Variants in ROBO2 observed in about 807,000 individuals in gnomAD.
ROBO2 encodes the protein roundabout homolog 2.
Under a neutral mutation model 160.8 loss-of-function variants are expected in ROBO2, and 53 were observed. The observed-to-expected ratio is 0.33, with a 90% CI of 0.26 to 0.41. The LOEUF (loss-of-function observed/expected upper bound fraction) is 0.41. Ranked by LOEUF, ROBO2 falls within the 10% of genes least tolerant of loss-of-function variation. The pLI, the probability that ROBO2 is intolerant of heterozygous loss-of-function variation, is 1.00. For synonymous variants in ROBO2, 664 were observed against 611.7 expected, an observed-to-expected ratio of 1.09 and a Z score of -1.26; for missense variants, 1,577 against 1,722.4, an observed-to-expected ratio of 0.92 and a Z score of 1.49.
At chr3:77,582,144 T>C (rs1296863341) in intron 16 of ROBO2, among the ~76,000 whole-genome samples, 3 of 152,186 alleles carry the variant, frequency 2.0e-5, no homozygotes, top group Admixed American at 6.5e-5. Flanking sequence ...TGCAGTTCTA[T>C]TAAATTGCAT....
At chr3:76,396,399 T>C (rs2077450215) in intron 2 of ROBO2, among the ~76,000 whole-genome samples, 1 of 152,140 alleles carries the variant, frequency 6.6e-6, no homozygotes, top group Non-Finnish European at 1.5e-5. Flanking sequence ...AGCATTCCCT[T>C]TGAAAACTGG....
Position 77,636,462 on chromosome 3 carries a change from C to G in ROBO2, c.3934+1419C>G, listed in dbSNP as rs539891083. Among the ~76,000 whole-genome samples the G allele has an allele frequency of 1.2e-4, 19 of 152,008 alleles. No individual in the cohort carries two copies. In the South Asian group the frequency reaches 3.3e-3, roughly 27 times the overall value. On this transcript the variant is annotated intron_variant, in intron 24 of 25. Transcript: ENST00000461745. Reference sequence around the variant, plus strand: ...CAAAAATTAGCTGGGCGTGGTTGCACGTGCCTGTAATCCCAGCTACTGAGG... The same window carrying G: ...CAAAAATTAGCTGGGCGTGGTTGCAGGTGCCTGTAATCCCAGCTACTGAGG...
exon 20 of ROBO2, chr3:77,602,302 A>G (rs374423180): frequency 1.9e-6 from 3 of 1,613,924 alleles, no homozygotes; most frequent in Non-Finnish European, 2.5e-6. Flanking sequence ...CACTACCAAA[A>G]CCAGTTACAA....
At chr3:77,390,871 A>G (rs1291460613) in intron 2 of ROBO2, among the ~76,000 whole-genome samples, 1 of 152,042 alleles carries the variant, frequency 6.6e-6, no homozygotes, top group African/African-American at 2.4e-5. Flanking sequence ...ACATCCCAAC[A>G]ATTCAGCACA....
At chr3:76,093,796 A>G (rs1160555349) in intron 2 of ROBO2, among the ~76,000 whole-genome samples, 1 of 152,140 alleles carries the variant, frequency 6.6e-6, no homozygotes, top group Non-Finnish European at 1.5e-5. Flanking sequence ...AGAGTCAATG[A>G]TAGTGATAGT....
intron 2 of ROBO2, among the ~76,000 whole-genome samples, chr3:76,311,812 A>T (rs17140641): frequency 0.021 from 3,163 of 152,296 alleles, 95 homozygotes; most frequent in African/African-American, 0.068. Context: ...GATGTCTGAG[A>T]AAGGGCATGT....
intron 2 of ROBO2, among the ~76,000 whole-genome samples, chr3:76,990,844 G>A (rs1449102120): frequency 6.6e-6 from 1 of 152,110 alleles, no homozygotes; most frequent in East Asian, 1.9e-4. Flanking sequence ...GGGACATTCG[G>A]CTGGTAAGGG....
intron 17 of ROBO2, among the ~76,000 whole-genome samples, chr3:77,591,921 A>G (rs150820317): frequency 1.3e-5 from 2 of 152,334 alleles, no homozygotes; most frequent in East Asian, 3.9e-4. Context: ...AATGCTGATC[A>G]AAACACCAGA....
intron 16 of ROBO2, among the ~76,000 whole-genome samples, chr3:77,583,902 A>G (rs1444667981): frequency 6.6e-6 from 1 of 152,094 alleles, no homozygotes; most frequent in African/African-American, 2.4e-5. Context: ...CCTTATTCTC[A>G]AGACAAAACC....
intron 2 of ROBO2, among the ~76,000 whole-genome samples, chr3:77,189,505 T>C (rs1220973969): frequency 6.6e-6 from 1 of 151,882 alleles, no homozygotes; most frequent in Non-Finnish European, 1.5e-5. Flanking sequence ...CACCGTGACA[T>C]AAAGAAATAG....
chr3:76,579,853 C>T (rs1219383552), intron 2 of ROBO2, among the ~76,000 whole-genome samples: 1 of 150,704 alleles, frequency 6.6e-6, no homozygotes, highest in Non-Finnish European at 1.5e-5. Flanking sequence ...ATAGAAAATA[C>T]CACCTGCCTT....
At chr3:75,983,437 A>G (rs1244247345) in intron 2 of ROBO2, among the ~76,000 whole-genome samples, 1 of 151,454 alleles carries the variant, frequency 6.6e-6, no homozygotes, top group East Asian at 1.9e-4. Flanking sequence ...TTAGTTTTAA[A>G]GTTATGATAA....
intron 2 of ROBO2, among the ~76,000 whole-genome samples, chr3:76,682,977 G>T (rs997943916): frequency 2.6e-5 from 4 of 152,068 alleles, no homozygotes; most frequent in Admixed American, 1.3e-4. Context: ...AGATTTAAAT[G>T]ATACTTGATG....
intron 2 of ROBO2, among the ~76,000 whole-genome samples, chr3:76,741,483 A>G (rs1197587059): frequency 6.6e-6 from 1 of 152,048 alleles, no homozygotes; most frequent in Non-Finnish European, 1.5e-5. Context: ...GATATTTACC[A>G]CAGGTGAAAG....
chr3:77,645,189 G>A (rs1363406307), intron 25 of ROBO2, among the ~76,000 whole-genome samples: 1 of 152,124 alleles, frequency 6.6e-6, no homozygotes, highest in Non-Finnish European at 1.5e-5. Flanking sequence ...AATATAGAGT[G>A]TTTATCATTT....
intron 2 of ROBO2, among the ~76,000 whole-genome samples, chr3:76,793,744 C>G (rs2063514535): frequency 6.6e-6 from 1 of 151,742 alleles, no homozygotes. Context: ...TCCTTTCTAC[C>G]ACATCACTCT....
chr3:76,853,523 T>C (rs2069650991), intron 2 of ROBO2, among the ~76,000 whole-genome samples: 1 of 152,120 alleles, frequency 6.6e-6, no homozygotes, highest in Non-Finnish European at 1.5e-5. Flanking sequence ...ATGTGATAAG[T>C]AAGTTTCCTA....
chr3:76,696,026 G>A (rs552487288), intron 2 of ROBO2, among the ~76,000 whole-genome samples: 1 of 152,150 alleles, frequency 6.6e-6, no homozygotes, highest in African/African-American at 2.4e-5. Flanking sequence ...ACTAATGGGT[G>A]AACTGTAGTT....
Position 77,617,779 on chromosome 3 carries a change from T to C in ROBO2, c.3554+6T>C. ...GATATAGCAAAACAAACATGGTAAA[T>C]ATCTTCATTAAGTCAAGAGACCCAT... is the stretch of plus-strand genomic sequence containing the variant. On this transcript the variant is annotated splice_donor_region_variant and intron_variant, in intron 22 of 25. Transcript: ENST00000461745. The C allele has an allele frequency of 6.2e-7, 1 of 1,610,592 alleles. No homozygotes were observed. The highest frequency in any genetic ancestry group is 8.5e-7 in the Non-Finnish European group (1 of 1,179,852).
Sources: gnomAD v4.1 joint callset for allele counts (sites outside exome capture counted in the v4.1 genomes callset) on GRCh38, gnomAD v4.1.1 for gene constraint, MANE v1.5 for transcripts, NCBI Gene and HGNC (gene_info 2026-07-23, HGNC 2026-07-21) for gene names.